PALLD: variants seen among roughly 807,000 people sequenced by gnomAD.
PALLD encodes the protein palladin.
A neutral mutation model predicts 123.5 loss-of-function variants in PALLD; 61 were observed. The observed-to-expected ratio is 0.49, with a 90% CI of 0.40 to 0.61. The LOEUF is 0.61. PALLD is among the 20% of genes least tolerant of loss of function. PALLD has a pLI of 0.00. For synonymous variants in PALLD, 465 were observed against 496.4 expected, an observed-to-expected ratio of 0.94 and a Z score of 0.84; for missense variants, 1,273 against 1,377.0, an observed-to-expected ratio of 0.92 and a Z score of 1.20.
In PALLD at chr4:168,823,164, TATTAAA is replaced by T. The variant is rs895522048; in HGVS notation, c.1965-67748_1965-67743del. On this transcript the variant is annotated intron_variant, in intron 10 of 21. Transcript: ENST00000505667. ...TATGTTCACTTTTTCCTTCTGGGTT[TATTAAA>T]ATTAAAATTTTTTCTTGGGTTGCCC... Among the ~76,000 whole-genome samples, 70 of 152,340 alleles carry T rather than the reference TATTAAA, an allele frequency of 4.6e-4. 1 individual carries two copies. Among genetic ancestry groups the T allele is most frequent in the African/African-American group, 1.6e-3 (66 of 41,594 alleles).
Position 168,512,066 on chromosome 4 carries a change from C to G in PALLD, c.562C>G (p.Pro188Ala), listed in dbSNP as rs1762574916. The stretch of plus-strand genomic sequence containing the variant: ...AACATCCATATTTAAAGCCGCAAAG[C>G]CAAGAAACAGAAGCCCAAATGGGGA... ...ELTSIFKAAK[P>A]RNRSPNGESS... is the part of the protein sequence containing the mutation. Residue 188 changes from proline to alanine, a missense_variant, in exon 2 of 22, where the codon CCA (proline) becomes GCA (alanine). By Grantham distance (27) the Pro-to-Ala change is conservative (BLOSUM62 -1). Coordinates refer to ENST00000505667, the MANE Select transcript of PALLD (RefSeq NM_001166108.2). 1.2e-6 allele frequency: 2 copies of G among 1,614,080 alleles called. No homozygotes were observed. Among genetic ancestry groups the G allele is most frequent in the Admixed American group, 3.3e-5 (2 of 60,014 alleles).
intron 2 of PALLD, among the ~76,000 whole-genome samples, chr4:168,612,687 A>G (rs1482934272): frequency 6.6e-6 from 1 of 152,222 alleles, no homozygotes; most frequent in Non-Finnish European, 1.5e-5. Flanking sequence ...CAAGAGAAAC[A>G]GAGATGTGTC....
intron 2 of PALLD, among the ~76,000 whole-genome samples, chr4:168,529,579 A>G (rs1764412649): frequency 6.6e-6 from 1 of 152,206 alleles, no homozygotes; most frequent in Non-Finnish European, 1.5e-5. Context: ...TGTTTAACTT[A>G]CATCTGTTTT....
intron 15 of PALLD, among the ~76,000 whole-genome samples, chr4:168,906,192 T>TA (rs1294191450): frequency 1.3e-5 from 2 of 152,202 alleles, no homozygotes; most frequent in Admixed American, 1.3e-4. Context: ...CTGTGGTCCT[T>TA]ACGTATTTGC....
At chr4:168,796,668 A>G (rs971172622) in intron 10 of PALLD, among the ~76,000 whole-genome samples, 3 of 152,204 alleles carry the variant, frequency 2.0e-5, no homozygotes, top group Non-Finnish European at 4.4e-5. Flanking sequence ...TATCTTCTGT[A>G]AATGTTACAG....
intron 10 of PALLD, among the ~76,000 whole-genome samples, chr4:168,806,633 A>G (rs1180083802): frequency 1.3e-5 from 2 of 152,202 alleles, no homozygotes; most frequent in East Asian, 3.8e-4. Flanking sequence ...TCAATCACCT[A>G]TCATTTTTAA....
chr4:168,581,700 C>T (rs1770295960), intron 2 of PALLD, among the ~76,000 whole-genome samples: 1 of 151,978 alleles, frequency 6.6e-6, no homozygotes, highest in Non-Finnish European at 1.5e-5. Flanking sequence ...TATTTTATCC[C>T]ATTTCTTAGG....
chr4:168,838,626 C>CTCTAGTTCACT (rs1561583985), intron 10 of PALLD, among the ~76,000 whole-genome samples: 1 of 142,826 alleles, frequency 7.0e-6, no homozygotes, highest in Middle Eastern at 3.5e-3. Flanking sequence ...GATCAGAATT[C>CTCTAGTTCACT]TCTAGTTCAC....
At chr4:168,557,880 C>CTGTGCACT (rs1264745034) in intron 2 of PALLD, among the ~76,000 whole-genome samples, 4 of 152,126 alleles carry the variant, frequency 2.6e-5, no homozygotes, top group African/African-American at 9.7e-5. Flanking sequence ...TCACCCCTGT[C>CTGTGCACT]TGTGCACTTC....
At chr4:168,782,471 A>G (rs1736060662) in intron 10 of PALLD, among the ~76,000 whole-genome samples, 1 of 152,150 alleles carries the variant, frequency 6.6e-6, no homozygotes. Flanking sequence ...AGATGAGCAA[A>G]TTTTTCTAAA....
intron 10 of PALLD, among the ~76,000 whole-genome samples, chr4:168,772,346 T>C (rs1734571094): frequency 6.6e-6 from 1 of 152,196 alleles, no homozygotes; most frequent in Admixed American, 6.5e-5. Flanking sequence ...GTTCATGTTA[T>C]CTCTGCTCTT....
In PALLD at chr4:168,670,775, C is replaced by A. The variant is rs13102581; in HGVS notation, c.1087+2407C>A. On this transcript the variant is annotated intron_variant, in intron 3 of 21. Coordinates refer to ENST00000505667, the MANE Select transcript of PALLD (RefSeq NM_001166108.2). Reference sequence around the variant, plus strand: ...AAAAAACAAAAAAAACAAAAAAAAACAAAAAAAAAAAAACAAAAAAAACAA... The same window carrying A: ...AAAAAACAAAAAAAACAAAAAAAAAAAAAAAAAAAAAAACAAAAAAAACAA... Among the ~76,000 whole-genome samples, 163 of 100,012 alleles carry A rather than the reference C, an allele frequency of 1.6e-3. 1 individual carries two copies. Among genetic ancestry groups the A allele is most frequent in the East Asian group, 2.9e-3 (10 of 3,452 alleles). The allele number at this position is 100,012 out of a possible 152,430, so 65.6% of individuals were successfully genotyped here. A position where few individuals can be genotyped will look rare whatever the true frequency, so the allele number is the denominator to read the frequency against.
chr4:168,872,133 G>C lies in PALLD; in HGVS notation c.1965-18789G>C, dbSNP rs760708956. ...CTTTGATATTCCAGAGAAGTTCCCAGGAGGATTAGGAATTGGTCATCAGTT... is the reference window on the plus strand; with the variant it reads ...CTTTGATATTCCAGAGAAGTTCCCACGAGGATTAGGAATTGGTCATCAGTT... On this transcript the variant is annotated intron_variant, in intron 10 of 21. Coordinates refer to ENST00000505667, the MANE Select transcript of PALLD (RefSeq NM_001166108.2). Among the ~76,000 whole-genome samples, 8 of 152,300 alleles carry C rather than the reference G, an allele frequency of 5.3e-5. No individual in the cohort carries two copies. The East Asian group carries it at 1.5e-3, about 29-fold the overall frequency.
intron 2 of PALLD, among the ~76,000 whole-genome samples, chr4:168,660,006 G>T (rs180715617): frequency 3.3e-5 from 5 of 152,194 alleles, no homozygotes; most frequent in Admixed American, 3.3e-4. Flanking sequence ...TGATTTGTTG[G>T]TTCCTTTCAT....
chr4:168,646,097 G>A (rs1242787440), intron 2 of PALLD, among the ~76,000 whole-genome samples: 1 of 152,192 alleles, frequency 6.6e-6, no homozygotes, highest in East Asian at 1.9e-4. Context: ...CCTGGCTGCT[G>A]TTCAAGGGAT....
intron 2 of PALLD, among the ~76,000 whole-genome samples, chr4:168,643,808 C>T (rs1419747704): frequency 6.6e-6 from 1 of 152,162 alleles, no homozygotes; most frequent in Admixed American, 6.5e-5. Context: ...AGTCTCTTGA[C>T]ATGTTTTTTC....
chr4:168,711,645 T>C lies in PALLD; in HGVS notation c.1686T>C (p.Phe562=), dbSNP rs1784848604. ...CCAACAATGACCACTTCCAACACTT[T>C]CCACCTCCCCCTCCAATCTTGGAGA... is the stretch of plus-strand genomic sequence containing the variant. ...GESNNDHFQH[F]PPPPPILETS... Residue 562 remains phenylalanine, a synonymous_variant, in exon 10 of 22, where the codon TTT becomes TTC. Transcript: ENST00000505667. The C allele has an allele frequency of 1.9e-6, 3 of 1,613,996 alleles. No individual in the cohort carries two copies.
At chr4:168,586,806 T>C (rs548992811) in intron 2 of PALLD, among the ~76,000 whole-genome samples, 5 of 152,130 alleles carry the variant, frequency 3.3e-5, no homozygotes, top group Non-Finnish European at 7.4e-5. Context: ...ATCAGTTCAG[T>C]CTCTCAATTC....
intron 10 of PALLD, among the ~76,000 whole-genome samples, chr4:168,777,158 T>C (rs1411758195): frequency 1.3e-5 from 2 of 152,056 alleles, no homozygotes; most frequent in Non-Finnish European, 2.9e-5. Context: ...GACTGAAGTT[T>C]ATTAGGAAAA....
Sources: allele counts gnomAD v4.1 joint callset (sites outside exome capture counted in the v4.1 genomes callset), GRCh38; gene constraint gnomAD v4.1.1; transcripts MANE v1.5; gene names NCBI Gene and HGNC (gene_info 2026-07-23, HGNC 2026-07-21).